The following MYO10 variants were observed in gnomAD, a reference collection of about 807,000 sequenced individuals.
MYO10 encodes the protein unconventional myosin-X.
A neutral mutation model predicts 257.3 loss-of-function variants in MYO10; 133 were observed. The observed-to-expected ratio is 0.52, with a 90% CI of 0.45 to 0.60. MYO10 has a LOEUF of 0.60. Ranked by LOEUF, MYO10 falls within the 20% of genes least tolerant of loss-of-function variation. The pLI is 0.00. For synonymous variants in MYO10, 1,104 were observed against 1,028.6 expected (o/e 1.07, Z -1.40); for missense variants, 2,399 against 2,635.7 (o/e 0.91, Z 1.97).
intron 1 of MYO10, among the ~76,000 whole-genome samples, chr5:16,897,101 G>A (rs965398520): frequency 3.9e-5 from 6 of 152,224 alleles, no homozygotes; most frequent in African/African-American, 1.4e-4. Flanking sequence ...ACTACAAAAT[G>A]CTGGTATATA....
At chr5:16,929,141 AT>A (rs1171130577) in intron 1 of MYO10, among the ~76,000 whole-genome samples, 3 of 151,296 alleles carry the variant, frequency 2.0e-5, no homozygotes, top group Admixed American at 1.3e-4. Context: ...TTTAGTAGAG[AT>A]GGGGGTTTCA....
intron 8 of MYO10, 30 bp downstream of exon 8, chr5:16,780,494 T>C (rs751695189): frequency 7.3e-6 from 11 of 1,515,354 alleles, no homozygotes; most frequent in Admixed American, 1.9e-5. Flanking sequence ...GAGTTGCTAG[T>C]CCACATTATC....
At chr5:16,715,821 C>G (rs976320244) in intron 19 of MYO10, among the ~76,000 whole-genome samples, 1 of 151,894 alleles carries the variant, frequency 6.6e-6, no homozygotes, top group African/African-American at 2.4e-5. Flanking sequence ...TTTGGGAGGG[C>G]GAGGCAGGTG....
chr5:16,683,837 C>G, intron 30 of MYO10, 43 bp downstream of exon 30: 2 of 1,598,218 alleles, frequency 1.3e-6, no homozygotes, highest in Non-Finnish European at 1.7e-6. Context: ...TGGACACACA[C>G]AGGTGATGAG....
chr5:16,663,328 G>GTT lies in MYO10; in HGVS notation c.*3362_*3363dup, dbSNP rs70940395. On this transcript the variant is annotated 3_prime_UTR_variant, in exon 41 of 41. Transcript: ENST00000513610. ...AAAAAGTAACATTTTACTTCTAGTT[G>GTT]TTTTTTTTTTTTTTTTTTTTTTTTT... The GTT allele has an allele frequency of 2.8e-3, 212 of 76,856 alleles. 34 individuals carry two copies. Among genetic ancestry groups the GTT allele is most frequent in the East Asian group, 4.8e-3 (13 of 2,718 alleles). The allele number at this position is 76,856 out of a possible 1,614,324, so 4.8% of individuals were successfully genotyped here.
intron 2 of MYO10, among the ~76,000 whole-genome samples, chr5:16,855,527 G>A (rs1454624114): frequency 6.6e-6 from 1 of 152,192 alleles, no homozygotes; most frequent in Admixed American, 6.5e-5. Flanking sequence ...TGCTAAAGTT[G>A]AAATAGCTGC....
chr5:16,667,600 T>A (rs951880110), intron 40 of MYO10, among the ~76,000 whole-genome samples: 1 of 152,054 alleles, frequency 6.6e-6, no homozygotes. Flanking sequence ...TCCCTCTCAC[T>A]GCACGACTCC....
At chr5:16,782,307 C>T (rs750300233) in intron 5 of MYO10, among the ~76,000 whole-genome samples, 6 of 152,156 alleles carry the variant, frequency 3.9e-5, no homozygotes, top group Non-Finnish European at 7.3e-5. Flanking sequence ...AAGGACCAGA[C>T]AGTAAGTATT....
intron 1 of MYO10, among the ~76,000 whole-genome samples, chr5:16,883,250 T>C (rs1277431253): frequency 3.3e-5 from 5 of 152,178 alleles, no homozygotes; most frequent in African/African-American, 9.7e-5. Context: ...AGCCTACGTA[T>C]TTCTCAAATG....
rs554596654 is a variant in MYO10, at chr5:16,678,236, C to T, written c.4542+1711G>A. On this transcript the variant is annotated intron_variant, in intron 33 of 40. Coordinates refer to ENST00000513610, the MANE Select transcript of MYO10 (RefSeq NM_012334.3). ...AAAATGAAATTATGTGTAGCCAGTG[C>T]CCTGGGTTGCATGGAAAACAACCTG... 5.9e-5 allele frequency among the ~76,000 whole-genome samples: 9 copies of T among 152,230 alleles called. No homozygotes were observed. In the East Asian group the frequency reaches 1.4e-3, roughly 23 times the overall value.
chr5:16,927,674 T>C (rs1388761786), intron 1 of MYO10, among the ~76,000 whole-genome samples: 3 of 152,120 alleles, frequency 2.0e-5, no homozygotes, highest in Non-Finnish European at 2.9e-5. Flanking sequence ...TTTTAATCCT[T>C]AAGAGCAGGC....
intron 11 of MYO10, among the ~76,000 whole-genome samples, chr5:16,765,291 G>A (rs1489265289): frequency 3.3e-5 from 5 of 152,218 alleles, no homozygotes; most frequent in East Asian, 3.9e-4. Context: ...AGAAAAATGC[G>A]AAAAGGCGAG....
At chr5:16,832,805 C>A (rs1743198336) in intron 2 of MYO10, among the ~76,000 whole-genome samples, 1 of 152,208 alleles carries the variant, frequency 6.6e-6, no homozygotes, top group Non-Finnish European at 1.5e-5. Context: ...CAAAAACTGA[C>A]CTCGGCATCT....
At chr5:16,725,724 A>T (rs1739337289) in intron 19 of MYO10, among the ~76,000 whole-genome samples, 1 of 151,834 alleles carries the variant, frequency 6.6e-6, no homozygotes, top group South Asian at 2.1e-4. Context: ...GGGTCAAAGA[A>T]TGTTGTGTGA....
chr5:16,724,052 C>T lies in MYO10; in HGVS notation c.1930-12807G>A, dbSNP rs912661462. Among the ~76,000 whole-genome samples, 17 of 152,198 alleles carry T rather than the reference C, an allele frequency of 1.1e-4. 1 individual carries two copies. The highest frequency in any genetic ancestry group is 7.2e-4 in the Admixed American group (11 of 15,286). ...ATGACATCATGCATTTGTCAAAACT[C>T]GCGGAACTTTAGAGCACTAGAATAA... On this transcript the variant is annotated intron_variant, in intron 19 of 40. Coordinates refer to ENST00000513610, the MANE Select transcript of MYO10 (RefSeq NM_012334.3).
intron 1 of MYO10, among the ~76,000 whole-genome samples, chr5:16,901,387 G>C (rs1745374990): frequency 6.6e-6 from 1 of 152,090 alleles, no homozygotes; most frequent in Admixed American, 6.6e-5. Context: ...AGCACACAAG[G>C]TGGTGCCCAG....
intron 2 of MYO10, among the ~76,000 whole-genome samples, chr5:16,872,614 A>T (rs1304476110): frequency 2.6e-5 from 4 of 152,234 alleles, no homozygotes; most frequent in African/African-American, 9.6e-5. Flanking sequence ...AAGAAAGGGA[A>T]AGAATGCTAT....
At chr5:16,858,676 A>G (rs1744030855) in intron 2 of MYO10, among the ~76,000 whole-genome samples, 1 of 152,166 alleles carries the variant, frequency 6.6e-6, no homozygotes, top group Admixed American at 6.6e-5. Flanking sequence ...CGTAACACAC[A>G]GGGCCGGGTG....
At chr5:16,852,948 T>C (rs1486192945) in intron 2 of MYO10, among the ~76,000 whole-genome samples, 1 of 152,004 alleles carries the variant, frequency 6.6e-6, no homozygotes, top group Non-Finnish European at 1.5e-5. Flanking sequence ...CAGTAAACTG[T>C]CCACGTCAGG....
Sources: allele counts gnomAD v4.1 joint callset (sites outside exome capture counted in the v4.1 genomes callset), GRCh38; gene constraint gnomAD v4.1.1; transcripts MANE v1.5; gene names NCBI Gene and HGNC (gene_info 2026-07-23, HGNC 2026-07-21).